The following EPHB2 variants were observed in gnomAD, a reference collection of about 807,000 sequenced individuals.
EPHB2 encodes ephrin type-B receptor 2.
In EPHB2, 18 loss-of-function variants were observed where a neutral mutation model predicts 96.4. That is an observed-to-expected ratio of 0.19 (90% CI 0.13 to 0.28). The LOEUF (loss-of-function observed/expected upper bound fraction) is 0.28. EPHB2 is among the 10% of genes least tolerant of loss of function. The pLI, the probability that EPHB2 is intolerant of heterozygous loss-of-function variation, is 1.00. For synonymous variants in EPHB2, 506 were observed against 534.1 expected, an observed-to-expected ratio of 0.95 and a Z score of 0.72; for missense variants, 989 against 1,355.4, an observed-to-expected ratio of 0.73 and a Z score of 4.25.
rs377254523 is a variant in EPHB2, at chr1:22,830,651, G to A, written c.812-32386G>A. Among the ~76,000 whole-genome samples the A allele has an allele frequency of 1.6e-4, 24 of 152,138 alleles. No homozygotes were observed. The South Asian group carries it at 1.9e-3, about 12-fold the overall frequency. ...CAGCTCACTGCAACCTCCACCTCCC[G>A]GGTGCAAGTGATTCTCCTGCCTCAG... On this transcript the variant is annotated intron_variant, in intron 3 of 15. Transcript: ENST00000374630.
chr1:22,890,317 G>A (rs1047652410), intron 6 of EPHB2, among the ~76,000 whole-genome samples: 10 of 152,158 alleles, frequency 6.6e-5, no homozygotes, highest in Non-Finnish European at 1.0e-4. Context: ...GGGATGTCAA[G>A]GAGGCTTCCT....
chr1:22,835,532 C>T (rs559943094), intron 3 of EPHB2, among the ~76,000 whole-genome samples: 4 of 152,332 alleles, frequency 2.6e-5, no homozygotes, highest in South Asian at 2.1e-4. Context: ...ATTTTATGCA[C>T]GAGTAGACAT....
intron 1 of EPHB2, among the ~76,000 whole-genome samples, chr1:22,720,660 T>TCCCGC (rs1643432995): frequency 1.7e-5 from 1 of 57,380 alleles, no homozygotes; most frequent in African/African-American, 6.2e-5. Flanking sequence ...GAAATCTCAT[T>TCCCGC]CCCCCCCCCC....
chr1:22,842,001 G>GC (rs1173847727), intron 3 of EPHB2, among the ~76,000 whole-genome samples: 1 of 152,214 alleles, frequency 6.6e-6, no homozygotes, highest in African/African-American at 2.4e-5. Flanking sequence ...GAGACTTCCA[G>GC]CAGGGGTCCC....
At chr1:22,722,619 A>G (rs918951876) in intron 1 of EPHB2, among the ~76,000 whole-genome samples, 1 of 152,210 alleles carries the variant, frequency 6.6e-6, no homozygotes, top group African/African-American at 2.4e-5. Flanking sequence ...CCAGGAACGT[A>G]AGAGCCATCT....
Position 22,804,692 on chromosome 1 carries a change from C to A in EPHB2, c.811+19616C>A, listed in dbSNP as rs4655114. ...GCTCTTTCCCATCCCACACCCTTCC[C>A]GCCCCTCCCAGCTCTCTGAACTTGA... On this transcript the variant is annotated intron_variant, in intron 3 of 15. Transcript: ENST00000374630. Among the ~76,000 whole-genome samples, 199 of 151,472 alleles carry A rather than the reference C, an allele frequency of 1.3e-3. 2 individuals carry two copies. The highest frequency in any genetic ancestry group is 4.1e-3 in the African/African-American group (170 of 41,196).
chr1:22,711,744 G>A (rs1643153514), intron 1 of EPHB2, among the ~76,000 whole-genome samples: 1 of 152,120 alleles, frequency 6.6e-6, no homozygotes, highest in Non-Finnish European at 1.5e-5. Context: ...GGCGCTCAGC[G>A]TGGCGGCTGG....
chr1:22,714,674 G>A (rs1643246076), intron 1 of EPHB2, among the ~76,000 whole-genome samples: 1 of 152,174 alleles, frequency 6.6e-6, no homozygotes, highest in African/African-American at 2.4e-5. Flanking sequence ...ATTCATGCTT[G>A]GAAAGATCAC....
intron 1 of EPHB2, among the ~76,000 whole-genome samples, chr1:22,725,770 G>C (rs1277105477): frequency 1.3e-5 from 2 of 152,190 alleles, no homozygotes; most frequent in Non-Finnish European, 2.9e-5. Flanking sequence ...TGACAGGTGG[G>C]GGAAGAGCTG....
chr1:22,900,198 G>A (rs1639705615), intron 9 of EPHB2, among the ~76,000 whole-genome samples: 1 of 152,102 alleles, frequency 6.6e-6, no homozygotes, highest in African/African-American at 2.4e-5. Context: ...GGAGGCTGAG[G>A]CAGGAGAATT....
At chr1:22,907,821 T>G in intron 11 of EPHB2, 132 bp from the exon 12 acceptor site, 1 of 1,117,128 alleles carries the variant, frequency 9.0e-7, no homozygotes, top group East Asian at 2.4e-5. Context: ...TCCCAAAGCA[T>G]CTGAGTCCTT....
At chr1:22,783,892 C>T (rs1200855710) in intron 2 of EPHB2, among the ~76,000 whole-genome samples, 2 of 152,146 alleles carry the variant, frequency 1.3e-5, no homozygotes, top group Non-Finnish European at 1.5e-5. Flanking sequence ...TCCCCATCAT[C>T]CTAGGCGTTC....
intron 1 of EPHB2, among the ~76,000 whole-genome samples, chr1:22,716,583 C>A (rs1643301597): frequency 1.3e-5 from 2 of 152,216 alleles, no homozygotes; most frequent in African/African-American, 4.8e-5. Flanking sequence ...AAGTGACCCA[C>A]CCACCTTGAC....
At chr1:22,732,516 T>A (rs1391986129) in intron 1 of EPHB2, among the ~76,000 whole-genome samples, 1 of 152,210 alleles carries the variant, frequency 6.6e-6, no homozygotes, top group East Asian at 1.9e-4. Flanking sequence ...ATGACCTCAT[T>A]TCATTCCACA....
intron 1 of EPHB2, among the ~76,000 whole-genome samples, chr1:22,770,395 G>T (rs963872011): frequency 2.0e-5 from 3 of 152,144 alleles, no homozygotes; most frequent in Non-Finnish European, 4.4e-5. Flanking sequence ...TGAGTTAATT[G>T]TCCTTCACTG....
In EPHB2 at chr1:22,895,417, G is replaced by T; in HGVS notation, c.1592-55G>T. 4 of 1,543,668 alleles carry T rather than the reference G, an allele frequency of 2.6e-6. No homozygotes were observed. In the South Asian group the frequency reaches 3.3e-5, roughly 13 times the overall value. ...AGCATGGCAGGGGGTAGGGGACAAG[G>T]GTATTACGACTCCCACAGCCAGGCT... On this transcript the variant is annotated intron_variant, in intron 7 of 15. Transcript: ENST00000374630.
chr1:22,895,696 G>C, intron 8 of EPHB2, 116 bp downstream of exon 8: 2 of 967,386 alleles, frequency 2.1e-6, no homozygotes, highest in Admixed American at 4.1e-5. Context: ...ACAATTGCAG[G>C]GAGAGATGTG....
chr1:22,838,223 C>T (rs1351773037), intron 3 of EPHB2, among the ~76,000 whole-genome samples: 1 of 152,164 alleles, frequency 6.6e-6, no homozygotes, highest in East Asian at 1.9e-4. Flanking sequence ...TGGTCACCCC[C>T]GATCCCAGTG....
intron 1 of EPHB2, among the ~76,000 whole-genome samples, chr1:22,721,885 G>C (rs942719967): frequency 1.3e-5 from 2 of 151,962 alleles, no homozygotes; most frequent in East Asian, 3.9e-4. Context: ...CAAAGTGCTG[G>C]GATTACAGAC....
Sources: allele counts gnomAD v4.1 joint callset (sites outside exome capture counted in the v4.1 genomes callset), GRCh38; gene constraint gnomAD v4.1.1; transcripts MANE v1.5; gene names NCBI Gene and HGNC (gene_info 2026-07-23, HGNC 2026-07-21).